PCDHA8: variants seen among roughly 807,000 people sequenced by gnomAD.
PCDHA8 encodes the protein protocadherin alpha-8.
Under a neutral mutation model 61.8 loss-of-function variants are expected in PCDHA8, and 53 were observed. That is an observed-to-expected ratio of 0.86 (90% CI 0.69 to 1.08). PCDHA8 has a LOEUF of 1.08. PCDHA8 is among the 50% of genes least tolerant of loss of function. The pLI, the probability that PCDHA8 is intolerant of heterozygous loss-of-function variation, is 0.00. For missense variants in PCDHA8, 1,293 were observed against 1,245.0 expected (o/e 1.04, Z -0.58); for synonymous variants, 618 against 556.6 (o/e 1.11, Z -1.55).
In PCDHA8 at chr5:140,848,974, C is replaced by T. The variant is rs2150427496; in HGVS notation, c.2394+5259C>T. On this transcript the variant is annotated intron_variant, in intron 1 of 3. Coordinates refer to ENST00000531613, the MANE Select transcript of PCDHA8 (RefSeq NM_018911.3). ...TTTCCACTAGAGGGCGCGTCCGATG[C>T]AGATATCGGGGAGAACGCCCTGCTC... 302 of 1,600,986 alleles carry T rather than the reference C, an allele frequency of 1.9e-4. 1 individual carries two copies. The highest frequency in any genetic ancestry group is 2.4e-4 in the Non-Finnish European group (280 of 1,171,990).
At chr5:140,909,312 A>AT (rs1365428416) in intron 1 of PCDHA8, among the ~76,000 whole-genome samples, 1 of 152,244 alleles carries the variant, frequency 6.6e-6, no homozygotes, top group Non-Finnish European at 1.5e-5. Context: ...AGAAAAAGGC[A>AT]TTTGCCAAAT....
intron 3 of PCDHA8, among the ~76,000 whole-genome samples, chr5:141,007,801 G>T (rs559830556): frequency 2.6e-5 from 4 of 152,148 alleles, no homozygotes; most frequent in Non-Finnish European, 5.9e-5. Flanking sequence ...GCCTTTATCT[G>T]CCATTCATTT....
At chr5:140,865,342 T>G (rs1437907469) in intron 1 of PCDHA8, 1 of 152,202 alleles carries the variant, frequency 6.6e-6, no homozygotes, top group Non-Finnish European at 1.5e-5. Flanking sequence ...AAAGAAATAG[T>G]ATATTTACAT....
intron 1 of PCDHA8, chr5:140,928,265 A>T (rs1208273188): frequency 4.3e-6 from 7 of 1,614,188 alleles, no homozygotes; most frequent in Non-Finnish European, 4.2e-6. Flanking sequence ...GCTGAAAACA[A>T]TGGCCCTGGG....
intron 1 of PCDHA8, chr5:140,871,241 C>CGCT (rs1268066555): frequency 1.2e-6 from 2 of 1,613,972 alleles, no homozygotes; most frequent in African/African-American, 2.7e-5. Context: ...CTGGTACTCA[C>CGCT]GCTGCTGCTG....
chr5:140,848,615 A>G, intron 1 of PCDHA8: 1 of 1,593,618 alleles, frequency 6.3e-7, no homozygotes, highest in East Asian at 2.2e-5. Flanking sequence ...AGGAAGCCGA[A>G]CACGGCACCT....
intron 1 of PCDHA8, chr5:140,851,422 A>C (rs1554145396): frequency 1.1e-6 from 1 of 948,550 alleles, no homozygotes; most frequent in Non-Finnish European, 1.3e-6. Flanking sequence ...ACTTCCCCTA[A>C]ACTTTAGAAA....
chr5:140,968,588 A>G (rs1554230894), intron 1 of PCDHA8: 1 of 1,614,180 alleles, frequency 6.2e-7, no homozygotes, highest in South Asian at 1.1e-5. Flanking sequence ...CACCAAAGTC[A>G]TAGCTATGGA....
At chr5:140,957,871 G>C (rs1312915058) in intron 1 of PCDHA8, among the ~76,000 whole-genome samples, 1 of 151,864 alleles carries the variant, frequency 6.6e-6, no homozygotes, top group African/African-American at 2.4e-5. Flanking sequence ...CCTATTTTGT[G>C]CTGAAAAGCT....
At chr5:140,877,067 A>C in intron 1 of PCDHA8, 4 of 1,613,082 alleles carry the variant, frequency 2.5e-6, no homozygotes, top group Non-Finnish European at 3.4e-6. Context: ...GAGCTGCTGC[A>C]GTTCCAGGTG....
intron 1 of PCDHA8, chr5:140,877,677 C>T (rs1554169970): frequency 6.2e-7 from 1 of 1,613,678 alleles, no homozygotes. Context: ...GCGCGCCGGG[C>T]AAGCCCACGC....
chr5:140,864,342 C>A (rs1374000781), intron 1 of PCDHA8: 2 of 152,062 alleles, frequency 1.3e-5, no homozygotes, highest in African/African-American at 4.8e-5. Context: ...GAGTTTAAAA[C>A]ATGTTTAAAT....
chr5:140,866,610 G>A (rs1177328697), intron 1 of PCDHA8: 2 of 152,124 alleles, frequency 1.3e-5, no homozygotes, highest in Admixed American at 1.3e-4. Context: ...TGGTTTTGGA[G>A]AACCTCCTGG....
At position 141,000,421 on chromosome 5, in the gene PCDHA8, A is replaced by ATTTTTT. The variant is rs34755515; in HGVS notation, c.2543-9188_2543-9183dup. On this transcript the variant is annotated intron_variant, in intron 3 of 3. Coordinates refer to ENST00000531613, the MANE Select transcript of PCDHA8 (RefSeq NM_018911.3). ...TATATATATATATATATATATATAT[A>ATTTTTT]TTTTTTTTTTTTTTTTTTTTTTTGA... 3.2e-4 allele frequency among the ~76,000 whole-genome samples: 9 copies of ATTTTTT among 27,978 alleles called. 1 individual carries two copies. The highest frequency in any genetic ancestry group is 5.3e-4 in the African/African-American group (3 of 5,638). 18.4% of individuals were successfully genotyped at this position (27,978 alleles called of 152,430 possible).
intron 1 of PCDHA8, chr5:140,850,562 C>T (rs782715661): frequency 6.3e-7 from 1 of 1,598,314 alleles, no homozygotes; most frequent in Non-Finnish European, 8.6e-7. Context: ...CCACGGGCCC[C>T]GAGGTGACGC....
At chr5:140,929,298 A>T in intron 1 of PCDHA8, 1 of 1,591,722 alleles carries the variant, frequency 6.3e-7, no homozygotes, top group South Asian at 1.1e-5. Context: ...GGAATAGGAA[A>T]GGGGATCACG....
intron 1 of PCDHA8, chr5:140,866,995 A>G (rs1294829153): frequency 1.3e-5 from 2 of 152,138 alleles, no homozygotes; most frequent in Non-Finnish European, 2.9e-5. Flanking sequence ...AATGCAAAAG[A>G]TGGGTCATTG....
intron 1 of PCDHA8, chr5:140,875,768 G>C (rs997656321): frequency 6.2e-7 from 1 of 1,614,144 alleles, no homozygotes; most frequent in African/African-American, 1.3e-5. Flanking sequence ...TGCGGGCGGA[G>C]CGCGGAGTGC....
At chr5:140,995,106 G>C (rs1318120210) in intron 3 of PCDHA8, among the ~76,000 whole-genome samples, 6 of 152,180 alleles carry the variant, frequency 3.9e-5, no homozygotes, top group East Asian at 1.9e-4. Context: ...TACATTCCAA[G>C]ACCCTCAGTG....
Sources: gnomAD v4.1 joint callset for allele counts (sites outside exome capture counted in the v4.1 genomes callset) on GRCh38, gnomAD v4.1.1 for gene constraint, MANE v1.5 for transcripts, NCBI Gene and HGNC (gene_info 2026-07-23, HGNC 2026-07-21) for gene names.